ENOX2: variants seen among roughly 807,000 people sequenced by gnomAD.
ENOX2 encodes the protein ecto-NOX disulfide-thiol exchanger 2.
Under a neutral mutation model 45.0 loss-of-function variants are expected in ENOX2, and 36 were observed. The observed-to-expected ratio is 0.80, with a 90% CI of 0.61 to 1.06. ENOX2 has a LOEUF of 1.06. ENOX2 is among the 50% of genes least tolerant of loss of function. The probability of loss-of-function intolerance (pLI) is 0.00; values close to 1 mark genes in which losing one functional copy is unlikely to be tolerated. For missense variants in ENOX2, 423 were observed against 462.5 expected (o/e 0.91, Z 0.78); for synonymous variants, 174 against 152.3 (o/e 1.14, Z -1.05).
chrX:130,710,258 A>T (rs1231657897), intron 3 of ENOX2, among the ~76,000 whole-genome samples: 1 of 111,967 alleles, frequency 8.9e-6, no homozygotes, highest in Admixed American at 9.4e-5. Flanking sequence ...TAGAGCCGAG[A>T]TTCAAACCCA....
intron 14 of ENOX2, 123 bp from the exon 15 acceptor site, chrX:130,625,568 C>T: frequency 1.5e-6 from 1 of 664,316 alleles, no homozygotes; most frequent in East Asian, 3.8e-5. Context: ...GTTTAACCTC[C>T]TCCTGCTCCT....
chrX:130,784,108 T>C (rs947524051), intron 2 of ENOX2, among the ~76,000 whole-genome samples: 6 of 111,671 alleles, frequency 5.4e-5, no homozygotes, highest in South Asian at 3.8e-4. Context: ...CATCAGACTA[T>C]CCTGTGTCAA....
intron 6 of ENOX2, among the ~76,000 whole-genome samples, chrX:130,672,663 C>T (rs185986526): frequency 5.2e-4 from 58 of 112,448 alleles, no homozygotes; most frequent in Non-Finnish European, 1.0e-3. Context: ...CAAAGTCACT[C>T]CTTTCAGCTA....
At chrX:130,634,096 A>G (rs2035862154) in intron 12 of ENOX2, among the ~76,000 whole-genome samples, 1 of 112,179 alleles carries the variant, frequency 8.9e-6, no homozygotes, top group East Asian at 2.8e-4. Context: ...TGGTAAACAC[A>G]CTCAGGGCCT....
chrX:130,813,077 G>A (rs982402158), intron 2 of ENOX2, among the ~76,000 whole-genome samples: 3 of 111,701 alleles, frequency 2.7e-5, no homozygotes, highest in African/African-American at 9.8e-5. Flanking sequence ...TTAACCAGTA[G>A]GTATAATGCA....
At chrX:130,764,536 T>C (rs866259892) in intron 3 of ENOX2, among the ~76,000 whole-genome samples, 3 of 108,247 alleles carry the variant, frequency 2.8e-5, no homozygotes, top group Admixed American at 9.9e-5. Context: ...AAGAAGAGTG[T>C]GTGTAGCAAA....
At chrX:130,734,933 T>C (rs1373536990) in intron 3 of ENOX2, among the ~76,000 whole-genome samples, 2 of 112,461 alleles carry the variant, frequency 1.8e-5, no homozygotes, top group East Asian at 2.8e-4. Context: ...TGGCAATCAA[T>C]AGAGTTCCTT....
intron 2 of ENOX2, among the ~76,000 whole-genome samples, chrX:130,802,877 T>C (rs1274306269): frequency 3.6e-5 from 4 of 112,520 alleles, no homozygotes; most frequent in African/African-American, 1.3e-4. Context: ...TGAACATTGA[T>C]TAAGCTCAAA....
chrX:130,825,133 A>AC (rs768326534), intron 2 of ENOX2, among the ~76,000 whole-genome samples: 1 of 111,889 alleles, frequency 8.9e-6, no homozygotes, highest in Admixed American at 9.5e-5. Context: ...AAGGAAATTG[A>AC]CAAATACATT....
At chrX:130,673,256 C>T (rs1196155949) in intron 6 of ENOX2, among the ~76,000 whole-genome samples, 3 of 110,814 alleles carry the variant, frequency 2.7e-5, no homozygotes, top group Admixed American at 9.5e-5. Flanking sequence ...AGCTTCCCCA[C>T]GTGAAAAGGA....
At chrX:130,637,007 A>G (rs2035948938) in intron 11 of ENOX2, among the ~76,000 whole-genome samples, 1 of 112,599 alleles carries the variant, frequency 8.9e-6, no homozygotes, top group Admixed American at 9.4e-5. Flanking sequence ...AATATTTTTC[A>G]CTGAATGCTC....
chrX:130,817,489 C>A (rs1238482059), intron 2 of ENOX2, among the ~76,000 whole-genome samples: 1 of 111,908 alleles, frequency 8.9e-6, no homozygotes, highest in Non-Finnish European at 1.9e-5. Context: ...AGGCCAATAT[C>A]CCTGATGAAC....
intron 3 of ENOX2, among the ~76,000 whole-genome samples, chrX:130,768,987 TAAG>T (rs1317371042): frequency 9.0e-6 from 1 of 111,484 alleles, no homozygotes; most frequent in Non-Finnish European, 1.9e-5. Flanking sequence ...GACTTACTCT[TAAG>T]AAAGTTTTAA....
At chrX:130,688,715 C>T in intron 5 of ENOX2, 148 bp downstream of exon 5, 3 of 452,073 alleles carry the variant, frequency 6.6e-6, no homozygotes, top group Non-Finnish European at 1.1e-5. Flanking sequence ...CCCTGCCTAG[C>T]AAGAGAAAAT....
chrX:130,795,842 T>C (rs137959342), intron 2 of ENOX2, among the ~76,000 whole-genome samples: 58 of 111,361 alleles, frequency 5.2e-4, no homozygotes, highest in Middle Eastern at 4.6e-3. Context: ...TGGAGAACTT[T>C]TATTCATCCT....
chrX:130,761,178 C>T lies in ENOX2; in HGVS notation c.-39+22369G>A, dbSNP rs189705296. Among the ~76,000 whole-genome samples, 426 of 111,450 alleles carry T rather than the reference C, an allele frequency of 3.8e-3. 1 individual carries two copies. The highest frequency in any genetic ancestry group is 0.013 in the African/African-American group (410 of 30,679). The stretch of plus-strand genomic sequence containing the variant: ...TTTTTAGTATTTGTGTAATATTAGT[C>T]TCATAGAATCAATTGGAACTTGTTC... On this transcript the variant is annotated intron_variant, in intron 3 of 14. Transcript: ENST00000394363.
chrX:130,693,050 A>G (rs1247801385), intron 4 of ENOX2, among the ~76,000 whole-genome samples: 1 of 112,061 alleles, frequency 8.9e-6, no homozygotes, highest in East Asian at 2.8e-4. Context: ...CCTGATACCT[A>G]GCAACTTGCA....
At chrX:130,626,306 C>T (rs1336514715) in intron 14 of ENOX2, among the ~76,000 whole-genome samples, 2 of 112,054 alleles carry the variant, frequency 1.8e-5, no homozygotes, top group Non-Finnish European at 3.8e-5. Flanking sequence ...GAATGAAGCA[C>T]ATTCCAGGGT....
intron 3 of ENOX2, among the ~76,000 whole-genome samples, chrX:130,719,490 C>T (rs2038418570): frequency 9.1e-6 from 1 of 109,330 alleles, no homozygotes; most frequent in Non-Finnish European, 1.9e-5. Flanking sequence ...CCAGACAGGG[C>T]TTAAACACAT....
Sources: allele counts gnomAD v4.1 joint callset (sites outside exome capture counted in the v4.1 genomes callset), GRCh38; gene constraint gnomAD v4.1.1; transcripts MANE v1.5; gene names NCBI Gene and HGNC (gene_info 2026-07-23, HGNC 2026-07-21).